Variants in ZDHHC20 observed in about 807,000 individuals in gnomAD.
The protein encoded by ZDHHC20 is palmitoyltransferase ZDHHC20.
A neutral mutation model predicts 57.8 loss-of-function variants in ZDHHC20; 43 were observed. That is an observed-to-expected ratio of 0.74 (90% confidence interval 0.58 to 0.96). The LOEUF (loss-of-function observed/expected upper bound fraction) is 0.96, where lower values mean the gene tolerates loss of function less well. Ranked by LOEUF, ZDHHC20 falls within the 40% of genes least tolerant of loss-of-function variation. The pLI, the probability that ZDHHC20 is intolerant of heterozygous loss-of-function variation, is 0.00. For missense variants in ZDHHC20, 391 were observed against 441.1 expected, an observed-to-expected ratio of 0.89 and a Z score of 1.02; for synonymous variants, 157 against 153.0, an observed-to-expected ratio of 1.03 and a Z score of -0.19.
intron 7 of ZDHHC20, among the ~76,000 whole-genome samples, chr13:21,393,636 G>A (rs1359901057): frequency 6.8e-6 from 1 of 148,048 alleles, no homozygotes; most frequent in Non-Finnish European, 1.5e-5. Context: ...CCCAGAAGGT[G>A]GAGGTTGCAG....
chr13:21,415,831 T>C (rs1052435753), intron 3 of ZDHHC20, among the ~76,000 whole-genome samples: 1 of 152,214 alleles, frequency 6.6e-6, no homozygotes, highest in Non-Finnish European at 1.5e-5. Context: ...CCCTGGGCTA[T>C]CCTATTCCTA....
chr13:21,415,050 C>G (rs1203316196), intron 3 of ZDHHC20, among the ~76,000 whole-genome samples: 1 of 152,104 alleles, frequency 6.6e-6, no homozygotes, highest in Non-Finnish European at 1.5e-5. Context: ...TAGTTGCTAA[C>G]TCAAATACCA....
At chr13:21,428,005 A>AGGTTTTTTTCC (rs1429731351) in intron 1 of ZDHHC20, among the ~76,000 whole-genome samples, 3 of 152,128 alleles carry the variant, frequency 2.0e-5, no homozygotes, top group Admixed American at 2.0e-4. Context: ...TTTACAGTTC[A>AGGTTTTTTTCC]TAGTTCCTCC....
In ZDHHC20 at chr13:21,410,681, A is replaced by C. The variant is rs559248420; in HGVS notation, c.370+2971T>G. ...CTGTGAGGGGAAAATCCACTTACTC[A>C]AGCCTCAGTAATGGCAGAAGCCCCT... On this transcript the variant is annotated intron_variant, in intron 4 of 12. Transcript: ENST00000400590. Among the ~76,000 whole-genome samples the C allele has an allele frequency of 1.4e-4, 21 of 152,288 alleles. No homozygotes were observed. The East Asian group carries it at 4.1e-3, about 29-fold the overall frequency.
intron 1 of ZDHHC20, among the ~76,000 whole-genome samples, chr13:21,449,805 T>C (rs902648561): frequency 6.6e-6 from 1 of 152,020 alleles, no homozygotes; most frequent in Non-Finnish European, 1.5e-5. Context: ...CTAATTTTTG[T>C]ATTTTTAGTA....
At chr13:21,396,867 A>G (rs1311307390) in intron 7 of ZDHHC20, among the ~76,000 whole-genome samples, 1 of 151,310 alleles carries the variant, frequency 6.6e-6, no homozygotes, top group African/African-American at 2.4e-5. Flanking sequence ...AACTCAGAAA[A>G]TGTGGAAAAA....
At chr13:21,401,557 A>G (rs1877628626) in intron 6 of ZDHHC20, 96 bp downstream of exon 6, 1 of 1,034,794 alleles carries the variant, frequency 9.7e-7, no homozygotes, top group Admixed American at 2.7e-5. Context: ...CTTAATATCT[A>G]TGAGTAAACT....
At chr13:21,393,194 T>C (rs1034165077) in intron 7 of ZDHHC20, among the ~76,000 whole-genome samples, 1 of 151,754 alleles carries the variant, frequency 6.6e-6, no homozygotes, top group Admixed American at 6.6e-5. Flanking sequence ...TTTTTCTTTT[T>C]TTTTTTTTTT....
chr13:21,381,872 T>G, intron 10 of ZDHHC20: 1 of 564,016 alleles, frequency 1.8e-6, no homozygotes, highest in Non-Finnish European at 3.4e-6. Flanking sequence ...GGTGAGGATC[T>G]ATATCTGTGG....
intron 1 of ZDHHC20, among the ~76,000 whole-genome samples, chr13:21,431,148 G>C (rs1482203597): frequency 6.6e-6 from 1 of 152,140 alleles, no homozygotes; most frequent in Non-Finnish European, 1.5e-5. Context: ...TGGTGATAAA[G>C]ACATACCCAA....
chr13:21,441,549 CTTTTTTTTTTTTTTTT>C (rs397851910), intron 1 of ZDHHC20, among the ~76,000 whole-genome samples: 1 of 65,326 alleles, frequency 1.5e-5, no homozygotes, highest in African/African-American at 6.8e-5. Context: ...CCACGCCCGG[CTTTTTTTTTTTTTTTT>C]TTTTTTTTTT....
intron 1 of ZDHHC20, among the ~76,000 whole-genome samples, chr13:21,452,028 T>G (rs768267905): frequency 1.3e-5 from 2 of 152,126 alleles, no homozygotes; most frequent in Non-Finnish European, 2.9e-5. Flanking sequence ...TATTGTATGA[T>G]TCCATTTATT....
chr13:21,442,695 C>T (rs1883303456), intron 1 of ZDHHC20, among the ~76,000 whole-genome samples: 1 of 151,584 alleles, frequency 6.6e-6, no homozygotes, highest in Admixed American at 6.6e-5. Flanking sequence ...GCAGAGATTA[C>T]AGTGAGCCGA....
chr13:21,417,043 C>G (rs1211157311), intron 3 of ZDHHC20, among the ~76,000 whole-genome samples: 1 of 152,120 alleles, frequency 6.6e-6, no homozygotes, highest in Admixed American at 6.5e-5. Flanking sequence ...ATCAATCGGC[C>G]TGTTATATAC....
intron 2 of ZDHHC20, among the ~76,000 whole-genome samples, chr13:21,421,455 C>T (rs1880640457): frequency 2.0e-5 from 3 of 152,112 alleles, no homozygotes; most frequent in South Asian, 2.1e-4. Context: ...ACTTTCTTCA[C>T]GCACTATATT....
At chr13:21,408,262 T>C (rs1050233454) in intron 4 of ZDHHC20, among the ~76,000 whole-genome samples, 1 of 152,218 alleles carries the variant, frequency 6.6e-6, no homozygotes, top group African/African-American at 2.4e-5. Context: ...GCATGGAATG[T>C]TCTTCCATTT....
chr13:21,443,195 C>T lies in ZDHHC20; in HGVS notation c.118+15859G>A, dbSNP rs112993510. Reference sequence around the variant, plus strand: ...TTAATACTTCATGGGACACTTTCAACTTCCAAGGTGCTACCTTCTCCCCTA... The same window carrying T: ...TTAATACTTCATGGGACACTTTCAATTTCCAAGGTGCTACCTTCTCCCCTA... On this transcript the variant is annotated intron_variant, in intron 1 of 12. Transcript: ENST00000400590. 1.2e-3 allele frequency among the ~76,000 whole-genome samples: 181 copies of T among 152,296 alleles called. 1 individual carries two copies. The highest frequency in any genetic ancestry group is 6.8e-3 in the Middle Eastern group (2 of 294).
chr13:21,439,447 C>T (rs898426299), intron 1 of ZDHHC20, among the ~76,000 whole-genome samples: 1 of 152,000 alleles, frequency 6.6e-6, no homozygotes, highest in Admixed American at 6.6e-5. Flanking sequence ...CTGCAGTGAG[C>T]CACGAACACA....
chr13:21,438,575 G>A (rs1053005983), intron 1 of ZDHHC20, among the ~76,000 whole-genome samples: 2 of 152,148 alleles, frequency 1.3e-5, no homozygotes, highest in African/African-American at 4.8e-5. Context: ...AAAGAAAATG[G>A]TTTTTTTGAC....
Sources: allele counts gnomAD v4.1 joint callset (sites outside exome capture counted in the v4.1 genomes callset), GRCh38; gene constraint gnomAD v4.1.1; transcripts MANE v1.5; gene names NCBI Gene and HGNC (gene_info 2026-07-23, HGNC 2026-07-21).